The following SLC26A8 variants were observed in gnomAD, a reference collection of about 807,000 sequenced individuals.
The protein encoded by SLC26A8 is testis anion transporter 1.
SLC26A8 carries 70 observed loss-of-function variants against 105.0 expected under a neutral mutation model. The ratio of observed to expected loss-of-function variants is 0.67; its 90% CI spans 0.55 to 0.81. SLC26A8 has a LOEUF of 0.81. Ranked by LOEUF, SLC26A8 falls within the 40% of genes least tolerant of loss-of-function variation. The pLI is 0.00. For missense variants in SLC26A8, 998 were observed against 1,181.8 expected (o/e 0.84, Z 2.28); for synonymous variants, 415 against 438.3 (o/e 0.95, Z 0.66).
At position 36,009,337 on chromosome 6, in the gene SLC26A8, TG is replaced by T. The variant is rs541274420; in HGVS notation, c.328+2895del. ...CTGTACTCCAGCCTGGGTGACAGAG[TG>T]AGACTGCCTCTCAAAAACAACAACA... On this transcript the variant is annotated intron_variant, in intron 3 of 19. Transcript: ENST00000490799. Among the ~76,000 whole-genome samples the T allele has an allele frequency of 2.9e-4, 44 of 150,182 alleles. No homozygotes were observed. The South Asian group carries it at 7.8e-3, about 26-fold the overall frequency.
intron 7 of SLC26A8, among the ~76,000 whole-genome samples, chr6:35,988,567 G>A (rs60741432): frequency 1.3e-4 from 20 of 151,858 alleles, no homozygotes; most frequent in Non-Finnish European, 1.6e-4. Context: ...TCTGGGAGGC[G>A]GAGGTTGCAG....
At chr6:35,997,674 A>T in intron 5 of SLC26A8, 64 bp downstream of exon 5, 1 of 1,489,726 alleles carries the variant, frequency 6.7e-7, no homozygotes, top group Non-Finnish European at 9.1e-7. Flanking sequence ...CAGTATAAGG[A>T]AGGGGTCTGT....
At chr6:35,945,779 C>A (rs1380247421) in intron 19 of SLC26A8, among the ~76,000 whole-genome samples, 1 of 152,224 alleles carries the variant, frequency 6.6e-6, no homozygotes, top group East Asian at 1.9e-4. Context: ...ATGACAGGGC[C>A]TGGTTCTTGA....
chr6:35,960,971 C>T (rs1772284670), intron 13 of SLC26A8, 22 bp downstream of exon 13: 1 of 1,613,686 alleles, frequency 6.2e-7, no homozygotes, highest in South Asian at 1.1e-5. Context: ...TTGTTAACCT[C>T]CTATTACCTG....
At chr6:35,980,550 T>A (rs773813575) in intron 8 of SLC26A8, among the ~76,000 whole-genome samples, 1 of 152,224 alleles carries the variant, frequency 6.6e-6, no homozygotes, top group Non-Finnish European at 1.5e-5. Flanking sequence ...TATTATTTTT[T>A]TTCCTGAGGA....
chr6:35,966,530 G>T (rs901935419), intron 11 of SLC26A8, among the ~76,000 whole-genome samples: 2 of 151,896 alleles, frequency 1.3e-5, no homozygotes, highest in African/African-American at 4.8e-5. Context: ...GATAACCACT[G>T]GTATGTTCTA....
chr6:35,948,537 C>T (rs908105401), intron 19 of SLC26A8, among the ~76,000 whole-genome samples: 5 of 151,930 alleles, frequency 3.3e-5, no homozygotes, highest in African/African-American at 4.8e-5. Context: ...TGCAGTGAGC[C>T]GAGATTGTGC....
intron 5 of SLC26A8, among the ~76,000 whole-genome samples, chr6:35,993,748 G>A (rs888727778): frequency 1.3e-5 from 2 of 152,118 alleles, no homozygotes; most frequent in African/African-American, 4.8e-5. Flanking sequence ...CAATTAGGTT[G>A]GGTGTGGTGG....
At chr6:35,955,735 C>T (rs1157967909) in intron 16 of SLC26A8, among the ~76,000 whole-genome samples, 6 of 152,152 alleles carry the variant, frequency 3.9e-5, no homozygotes, top group African/African-American at 1.2e-4. Context: ...TCACCACCCA[C>T]GACACCCCCC....
intron 16 of SLC26A8, among the ~76,000 whole-genome samples, chr6:35,957,092 A>G (rs1445984540): frequency 6.6e-6 from 1 of 150,920 alleles, no homozygotes; most frequent in African/African-American, 2.4e-5. Context: ...CAGGGTGGTA[A>G]ATGCCTGTAA....
In SLC26A8 at chr6:35,982,215, A is replaced by G. The variant is rs767498536; in HGVS notation, c.943-12T>C. 1 of 1,612,894 alleles carries G rather than the reference A, an allele frequency of 6.2e-7. No individual in the cohort carries two copies. The highest frequency in any genetic ancestry group is 8.5e-7 in the Non-Finnish European group (1 of 1,179,124). ...GTGAAGCCAATAATCTGTAGGGGGT[A>G]AAAAAAGAAGGGATGGGGGCATATG... On this transcript the variant is annotated splice_polypyrimidine_tract_variant and intron_variant, in intron 7 of 19. Transcript: ENST00000490799.
At chr6:36,015,427 G>T (rs1398043592) in intron 2 of SLC26A8, among the ~76,000 whole-genome samples, 1 of 152,140 alleles carries the variant, frequency 6.6e-6, no homozygotes, top group Non-Finnish European at 1.5e-5. Context: ...GTGCTCTCAA[G>T]CATTGTGCTG....
intron 14 of SLC26A8, chr6:35,960,529 G>A (rs753548745): frequency 6.9e-5 from 20 of 291,940 alleles, no homozygotes; most frequent in East Asian, 4.2e-4. Flanking sequence ...GATGGGGCAC[G>A]CCTGTAATCC....
intron 9 of SLC26A8, among the ~76,000 whole-genome samples, chr6:35,976,317 G>C (rs1315141559): frequency 6.6e-6 from 1 of 151,634 alleles, no homozygotes. Context: ...CCAGCTACTC[G>C]GGTGGCTGAG....
chr6:36,006,480 G>A (rs1415688926), intron 3 of SLC26A8, among the ~76,000 whole-genome samples: 1 of 152,080 alleles, frequency 6.6e-6, no homozygotes, highest in African/African-American at 2.4e-5. Context: ...AGGTGTTGTG[G>A]TGAATGCTAG....
intron 3 of SLC26A8, among the ~76,000 whole-genome samples, chr6:36,008,744 CAGAT>C (rs1262949622): frequency 2.0e-5 from 3 of 152,112 alleles, no homozygotes; most frequent in Non-Finnish European, 4.4e-5. Flanking sequence ...ATGAAAATAA[CAGAT>C]GGAAATTAGC....
rs370233896 is a variant in SLC26A8, at chr6:35,992,424, C to T, written c.792+86G>A. The T allele has an allele frequency of 3.6e-5, 49 of 1,378,290 alleles. 1 individual carries two copies. In the East Asian group the frequency reaches 4.0e-4, roughly 11 times the overall value. The allele number at this position is 1,378,290 out of a possible 1,614,324, so 85.4% of individuals were successfully genotyped here. ...AGGCTGTGTCTCCTTTCAGAAGGGG[C>T]GGGAGTCTCCCTACTGAGCTCCACT... On this transcript the variant is annotated intron_variant, in intron 6 of 19. Coordinates refer to ENST00000490799, the MANE Select transcript of SLC26A8 (RefSeq NM_052961.4).
intron 2 of SLC26A8, among the ~76,000 whole-genome samples, chr6:36,013,433 G>C (rs1359272667): frequency 2.6e-5 from 4 of 152,016 alleles, no homozygotes; most frequent in African/African-American, 9.7e-5. Flanking sequence ...TGCTCGCCTC[G>C]GCCTCCCAAA....
intron 10 of SLC26A8, among the ~76,000 whole-genome samples, chr6:35,974,135 T>G (rs1270197168): frequency 1.3e-5 from 2 of 152,034 alleles, no homozygotes; most frequent in Non-Finnish European, 1.5e-5. Flanking sequence ...CTGGCCAACA[T>G]AGTAAAACCC....
Sources: allele counts gnomAD v4.1 joint callset (sites outside exome capture counted in the v4.1 genomes callset), GRCh38; gene constraint gnomAD v4.1.1; transcripts MANE v1.5; gene names NCBI Gene and HGNC (gene_info 2026-07-23, HGNC 2026-07-21).